Variants in RANBP2 observed in about 807,000 individuals in gnomAD.
RANBP2 encodes the protein RAN binding protein 2.
RANBP2 carries 57 observed loss-of-function variants against 303.6 expected under a neutral mutation model. The observed-to-expected ratio is 0.19, with a 90% CI of 0.15 to 0.23. RANBP2 has a LOEUF of 0.23. RANBP2 is among the 10% of genes least tolerant of loss of function. RANBP2 has a pLI of 1.00. For missense variants in RANBP2, 3,138 were observed against 3,780.8 expected (o/e 0.83, Z 4.46); for synonymous variants, 1,167 against 1,301.5 (o/e 0.90, Z 2.23).
chr2:109,576,052 T>C, the RANBP2 span, among the ~76,000 whole-genome samples: 3 of 150,766 alleles, frequency 2.0e-5, no homozygotes, highest in African/African-American at 7.3e-5. Flanking sequence ...AGGCCAGGAG[T>C]TCAAGAACAG....
chr2:109,159,309 G>A, the RANBP2 span, among the ~76,000 whole-genome samples: 1 of 152,194 alleles, frequency 6.6e-6, no homozygotes, highest in African/African-American at 2.4e-5. Flanking sequence ...GCTGTACCGC[G>A]GTTTCCTCGT....
At chr2:109,449,107 T>TC in the RANBP2 span, 1 of 1,533,774 alleles carries the variant, frequency 6.5e-7, no homozygotes. Context: ...TGCAGCTGCC[T>TC]GGCAGGCATG....
the RANBP2 span, among the ~76,000 whole-genome samples, chr2:109,697,342 T>C: frequency 6.6e-6 from 1 of 151,994 alleles, no homozygotes. Flanking sequence ...ATACAAAAAT[T>C]AGCATGGTGG....
At chr2:109,543,958 A>C in the RANBP2 span, 5 of 575,114 alleles carry the variant, frequency 8.7e-6, no homozygotes, top group South Asian at 2.3e-5. Context: ...TTTATACAAA[A>C]ATTTTGTGCA....
At chr2:109,597,736 T>C in the RANBP2 span, among the ~76,000 whole-genome samples, 2 of 152,190 alleles carry the variant, frequency 1.3e-5, no homozygotes, top group South Asian at 2.1e-4. Flanking sequence ...TTTTAAAAAG[T>C]TGTATTATCT....
At chr2:109,482,693 GC>G in the RANBP2 span, among the ~76,000 whole-genome samples, 1 of 152,192 alleles carries the variant, frequency 6.6e-6, no homozygotes, top group Non-Finnish European at 1.5e-5. Context: ...GAACAAGGAT[GC>G]CCTCAGCTCC....
the RANBP2 span, chr2:108,873,583 A>C: frequency 1.3e-6 from 2 of 1,582,226 alleles, no homozygotes; most frequent in East Asian, 4.5e-5. Context: ...AAACTTTCCA[A>C]AATCAAGTAA....
intron 20 of RANBP2, among the ~76,000 whole-genome samples, chr2:108,771,433 A>G (rs752056567): frequency 3.9e-5 from 6 of 152,162 alleles, no homozygotes; most frequent in African/African-American, 1.4e-4. Context: ...AATTCTTTTC[A>G]ATGACTATTA....
At chr2:109,510,905 G>A in the RANBP2 span, among the ~76,000 whole-genome samples, 1 of 152,234 alleles carries the variant, frequency 6.6e-6, no homozygotes, top group Non-Finnish European at 1.5e-5. Context: ...GGAGCCCCTG[G>A]CCTCCTCGTG....
the RANBP2 span, among the ~76,000 whole-genome samples, chr2:109,273,000 G>T: frequency 5.3e-5 from 8 of 152,194 alleles, no homozygotes; most frequent in Non-Finnish European, 1.0e-4. Flanking sequence ...AACAGGGAAA[G>T]AAAATGGTTA....
chr2:109,199,582 T>TCAACGCGAGTGCAGG, the RANBP2 span, among the ~76,000 whole-genome samples: 2 of 478 alleles, frequency 4.2e-3, no homozygotes, highest in Non-Finnish European at 9.8e-3. Flanking sequence ...TGGAATGGAA[T>TCAACGCGAGTGCAGG]GGAATGGAAT....
chr2:109,665,076 A>T, the RANBP2 span: 1 of 152,212 alleles, frequency 6.6e-6, no homozygotes, highest in Admixed American at 6.5e-5. Context: ...TATTATCAAA[A>T]AACCTTTATG....
chr2:108,932,131 A>G, the RANBP2 span, among the ~76,000 whole-genome samples: 1,306 of 152,354 alleles, frequency 8.6e-3, 21 homozygotes, highest in African/African-American at 0.03. Flanking sequence ...CATGATGCAC[A>G]GGAACCTTCC....
At chr2:109,221,131 G>C in the RANBP2 span, among the ~76,000 whole-genome samples, 1 of 152,224 alleles carries the variant, frequency 6.6e-6, no homozygotes, top group African/African-American at 2.4e-5. Flanking sequence ...ATTATGCTGA[G>C]TGAAATAAGT....
At chr2:108,790,967 G>A in the RANBP2 span, among the ~76,000 whole-genome samples, 1 of 151,870 alleles carries the variant, frequency 6.6e-6, no homozygotes, top group Non-Finnish European at 1.5e-5. Context: ...TCACTGTGTT[G>A]TCCAGGCTGA....
chr2:109,661,227 G>A, the RANBP2 span, among the ~76,000 whole-genome samples: 1 of 146,878 alleles, frequency 6.8e-6, no homozygotes, highest in South Asian at 2.2e-4. Flanking sequence ...AGGGGCATGA[G>A]GGAGCATTAG....
the RANBP2 span, among the ~76,000 whole-genome samples, chr2:109,072,243 T>C: frequency 6.6e-6 from 1 of 152,204 alleles, no homozygotes; most frequent in East Asian, 1.9e-4. Context: ...AGTGAGTGTA[T>C]CTGAGGATTC....
At chr2:109,253,196 T>C in the RANBP2 span, among the ~76,000 whole-genome samples, 1 of 151,988 alleles carries the variant, frequency 6.6e-6, no homozygotes, top group South Asian at 2.1e-4. Context: ...CCTGGCTAGT[T>C]TTTGTATTTT....
At chr2:108,778,553 C>T (rs1011775579) in intron 25 of RANBP2, among the ~76,000 whole-genome samples, 1 of 152,130 alleles carries the variant, frequency 6.6e-6, no homozygotes, top group Non-Finnish European at 1.5e-5. Context: ...CCAGTTATGA[C>T]CTGTGAGACC....
Sources: allele counts gnomAD v4.1 joint callset (sites outside exome capture counted in the v4.1 genomes callset), GRCh38; gene constraint gnomAD v4.1.1; transcripts MANE v1.5; gene names NCBI Gene and HGNC (gene_info 2026-07-23, HGNC 2026-07-21).